SLC5A4: variants seen among roughly 807,000 people sequenced by gnomAD.
SLC5A4 encodes the protein probable glucose sensor protein SLC5A4.
In SLC5A4, 55 loss-of-function variants were observed where a neutral mutation model predicts 70.3. The observed-to-expected ratio is 0.78, with a 90% confidence interval of 0.63 to 0.98. The LOEUF (loss-of-function observed/expected upper bound fraction) is 0.98, where lower values mean the gene tolerates loss of function less well. Among genes scored for constraint, SLC5A4 ranks in the 50% least tolerant of loss-of-function variants. SLC5A4 has a pLI of 0.00. For missense variants in SLC5A4, 735 were observed against 839.2 expected (o/e 0.88, Z 1.53); for synonymous variants, 268 against 305.7 (o/e 0.88, Z 1.29).
At chr22:32,266,622 C>T in the SLC5A4 span, among the ~76,000 whole-genome samples, 1 of 152,176 alleles carries the variant, frequency 6.6e-6, no homozygotes. Context: ...ATACAGCTGA[C>T]CCTTAAAAAA....
intron 12 of SLC5A4, among the ~76,000 whole-genome samples, 173 bp downstream of exon 12, chr22:32,225,482 G>A (rs2294207): frequency 0.2 from 30,531 of 152,062 alleles, 3,148 homozygotes; most frequent in Middle Eastern, 0.23. Context: ...ATGAATGTGC[G>A]CTATATTTTT....
chr22:32,252,854 A>G (rs1039105924), intron 2 of SLC5A4, among the ~76,000 whole-genome samples: 10 of 152,148 alleles, frequency 6.6e-5, no homozygotes, highest in African/African-American at 9.6e-5. Flanking sequence ...CCCAGAGACC[A>G]AGAGAGGTCT....
the SLC5A4 span, among the ~76,000 whole-genome samples, chr22:32,329,074 C>T: frequency 7.2e-5 from 11 of 152,352 alleles, no homozygotes; most frequent in African/African-American, 1.2e-4. Flanking sequence ...GTGTGGGTTC[C>T]GCCAGAGTGA....
the SLC5A4 span, among the ~76,000 whole-genome samples, chr22:32,265,626 G>A: frequency 6.6e-6 from 1 of 152,218 alleles, no homozygotes; most frequent in Admixed American, 6.5e-5. Context: ...GATCACTTGA[G>A]GCCAGGTGTT....
the SLC5A4 span, among the ~76,000 whole-genome samples, chr22:32,309,285 A>C: frequency 6.6e-6 from 1 of 152,240 alleles, no homozygotes; most frequent in Non-Finnish European, 1.5e-5. Context: ...CACAGTTCCC[A>C]GTGAGAAACA....
At chr22:32,284,470 C>T in the SLC5A4 span, among the ~76,000 whole-genome samples, 2 of 152,142 alleles carry the variant, frequency 1.3e-5, no homozygotes, top group Admixed American at 6.5e-5. Context: ...TTACCTCCCT[C>T]ACATGGCTGG....
At chr22:32,312,046 G>A in the SLC5A4 span, among the ~76,000 whole-genome samples, 3 of 152,236 alleles carry the variant, frequency 2.0e-5, no homozygotes, top group South Asian at 4.2e-4. Context: ...TGCCTCCCAC[G>A]TGGTGAGAGG....
At chr22:32,306,808 G>A in the SLC5A4 span, among the ~76,000 whole-genome samples, 1 of 152,174 alleles carries the variant, frequency 6.6e-6, no homozygotes, top group Admixed American at 6.5e-5. Context: ...CTGACCGCTT[G>A]GTTATTTGAC....
chr22:32,218,591 A>G lies in SLC5A4; in HGVS notation c.1903T>C (p.Ser635Pro), dbSNP rs1398391200. The G allele has an allele frequency of 1.2e-6, 2 of 1,614,032 alleles. No homozygotes were observed. The highest frequency in any genetic ancestry group is 1.7e-6 in the Non-Finnish European group (2 of 1,180,014). ...TTGATGTTCACTATTGTCCTCCACG[A>G]GGGCCTCTCAGACGTGTCTGTGAGC... ...KKLTDTSERP[S>P]WRTIVNINAI... The change falls in exon 15 of 15, where the codon TCG (serine) becomes CCG (proline). Residue 635 changes from serine to proline, a missense_variant. Physicochemically the swap from Ser to Pro is moderately conservative, Grantham distance 74. Coordinates refer to ENST00000266086, the MANE Select transcript of SLC5A4 (RefSeq NM_014227.3).
At chr22:32,352,684 C>A in the SLC5A4 span, among the ~76,000 whole-genome samples, 3 of 152,174 alleles carry the variant, frequency 2.0e-5, no homozygotes, top group African/African-American at 7.2e-5. Context: ...GCCTTCCCGG[C>A]CCCCAAACTT....
At chr22:32,285,256 C>T in the SLC5A4 span, 1 of 152,040 alleles carries the variant, frequency 6.6e-6, no homozygotes, top group Admixed American at 6.5e-5. Context: ...TCTATTCTAC[C>T]ATGGAATTCC....
At chr22:32,318,732 C>T in the SLC5A4 span, among the ~76,000 whole-genome samples, 18 of 152,170 alleles carry the variant, frequency 1.2e-4, no homozygotes, top group African/African-American at 4.3e-4. Context: ...AACCTAAGTC[C>T]AATTATGCCA....
At chr22:32,328,097 A>ACACACAC in the SLC5A4 span, among the ~76,000 whole-genome samples, 312 of 108,812 alleles carry the variant, frequency 2.9e-3, 1 homozygote, top group Non-Finnish European at 5.9e-3. Flanking sequence ...CCAACACACA[A>ACACACAC]ACACACACAC....
chr22:32,322,357 A>T, the SLC5A4 span, among the ~76,000 whole-genome samples: 14 of 152,168 alleles, frequency 9.2e-5, no homozygotes, highest in Non-Finnish European at 2.1e-4. Context: ...TGGGAGGCTG[A>T]GGTGGGTGGA....
chr22:32,332,675 A>T, the SLC5A4 span, among the ~76,000 whole-genome samples: 1 of 152,010 alleles, frequency 6.6e-6, no homozygotes, highest in South Asian at 2.1e-4. Flanking sequence ...TTCACACCTC[A>T]CTTGTAGCCT....
At chr22:32,270,508 C>A in the SLC5A4 span, 18 of 724,492 alleles carry the variant, frequency 2.5e-5, no homozygotes, top group South Asian at 1.5e-4. Flanking sequence ...GGACAATGAC[C>A]ACCGCAGACA....
At chr22:32,253,449 G>A (rs979986227) in intron 2 of SLC5A4, among the ~76,000 whole-genome samples, 7 of 152,220 alleles carry the variant, frequency 4.6e-5, no homozygotes, top group African/African-American at 1.7e-4. Flanking sequence ...AAGGGCTGAG[G>A]TGAGGCATTG....
At chr22:32,286,673 C>G in the SLC5A4 span, among the ~76,000 whole-genome samples, 7,909 of 152,196 alleles carry the variant, frequency 0.052, 386 homozygotes, top group Admixed American at 0.15. Context: ...GCATGGCAGT[C>G]TGTACTATTA....
rs1051655012 is a variant in SLC5A4 at position 32,241,777 on chromosome 22, G to A, written c.478-2687C>T. ...GCAAACAAATTTTACATATATATAT[G>A]TGTGTGTGTGTGTGTGTGTGTGTGT... On this transcript the variant is annotated intron_variant, in intron 5 of 14. Coordinates refer to ENST00000266086, the MANE Select transcript of SLC5A4 (RefSeq NM_014227.3). Among the ~76,000 whole-genome samples, 82 of 120,912 alleles carry A rather than the reference G, an allele frequency of 6.8e-4. 1 individual carries two copies. The highest frequency in any genetic ancestry group is 3.1e-3 in the African/African-American group (77 of 24,924). The allele number at this position is 120,912 out of a possible 152,430, so 79.3% of individuals were successfully genotyped here. A position where few individuals can be genotyped will look rare whatever the true frequency, so the allele number is the denominator to read the frequency against.
Sources: gnomAD v4.1 joint callset for allele counts (sites outside exome capture counted in the v4.1 genomes callset) on GRCh38, gnomAD v4.1.1 for gene constraint, MANE v1.5 for transcripts, NCBI Gene and HGNC (gene_info 2026-07-23, HGNC 2026-07-21) for gene names.